The following VPS13A variants were observed in gnomAD, a reference collection of about 807,000 sequenced individuals.
The protein encoded by VPS13A is intermembrane lipid transfer protein VPS13A.
Under a neutral mutation model 390.9 loss-of-function variants are expected in VPS13A, and 264 were observed. That is an observed-to-expected ratio of 0.68 (90% CI 0.61 to 0.75). The LOEUF (loss-of-function observed/expected upper bound fraction) is 0.75, where lower values mean the gene tolerates loss of function less well. VPS13A is among the 30% of genes least tolerant of loss of function. VPS13A has a pLI of 0.00. For missense variants in VPS13A, 3,409 were observed against 3,733.9 expected (o/e 0.91, Z 2.27); for synonymous variants, 1,231 against 1,227.1 (o/e 1.00, Z -0.07).
intron 47 of VPS13A, chr9:77,338,345 C>T (rs2131501624): frequency 6.6e-6 from 1 of 152,146 alleles, no homozygotes; most frequent in Non-Finnish European, 1.5e-5. Flanking sequence ...TGTGTATTTC[C>T]ATATTGAATA....
Position 77,357,363 on chromosome 9 carries a change from A to AGATACTAGAT in VPS13A, c.7807-327_7807-318dup, listed in dbSNP as rs576579455. On this transcript the variant is annotated intron_variant, in intron 55 of 71. Coordinates refer to ENST00000360280, the MANE Select transcript of VPS13A (RefSeq NM_033305.3). The stretch of plus-strand genomic sequence containing the variant: ...AAAAAGAAAAGAAAACTTTCTTTTA[A>AGATACTAGAT]GATACTAGATGCTAATGATCTGTTC... Among the ~76,000 whole-genome samples, 556 of 148,760 alleles carry AGATACTAGAT rather than the reference A, an allele frequency of 3.7e-3. 7 individuals are homozygous for AGATACTAGAT. The highest frequency in any genetic ancestry group is 0.013 in the African/African-American group (528 of 40,444).
At chr9:77,192,493 C>A (rs1233216486) in intron 1 of VPS13A, among the ~76,000 whole-genome samples, 1 of 152,080 alleles carries the variant, frequency 6.6e-6, no homozygotes, top group African/African-American at 2.4e-5. Flanking sequence ...CTTTCATTTC[C>A]ATGGTTAGTA....
chr9:77,247,505 G>A (rs1824886230), intron 20 of VPS13A, 110 bp downstream of exon 20: 1 of 1,178,432 alleles, frequency 8.5e-7, no homozygotes. Context: ...TCCTAGATTT[G>A]TGGTAGATAA....
intron 24 of VPS13A, among the ~76,000 whole-genome samples, chr9:77,275,266 G>A (rs1587472639): frequency 2.0e-5 from 3 of 152,050 alleles, no homozygotes; most frequent in Non-Finnish European, 2.9e-5. Flanking sequence ...AATGTTCCAT[G>A]CTTCTTTATA....
At chr9:77,362,010 T>C (rs910831701) in intron 59 of VPS13A, among the ~76,000 whole-genome samples, 1 of 152,178 alleles carries the variant, frequency 6.6e-6, no homozygotes, top group Non-Finnish European at 1.5e-5. Context: ...TATTATTTAA[T>C]GAGTTATTTG....
chr9:77,260,060 T>C (rs929481988), intron 22 of VPS13A, 26 bp from the exon 23 acceptor site: 1 of 1,338,102 alleles, frequency 7.5e-7, no homozygotes. Flanking sequence ...CCTTTATAAT[T>C]ACTTATTTTT....
In VPS13A at chr9:77,377,754, T is replaced by C. The variant is rs191800413; in HGVS notation, c.9078-4222T>C. Among the ~76,000 whole-genome samples, 679 of 152,276 alleles carry C rather than the reference T, an allele frequency of 4.5e-3. 4 individuals are homozygous for C. The highest frequency in any genetic ancestry group is 6.8e-3 in the Middle Eastern group (2 of 294). Reference sequence around the variant, plus strand: ...GTCCTGGCTAGAACCTCTAGTACAATGTGAAGTAGAAGTGCTGAGAGAATA... The same window carrying C: ...GTCCTGGCTAGAACCTCTAGTACAACGTGAAGTAGAAGTGCTGAGAGAATA... On this transcript the variant is annotated intron_variant, in intron 67 of 71. Coordinates refer to ENST00000360280, the MANE Select transcript of VPS13A (RefSeq NM_033305.3).
intron 50 of VPS13A, among the ~76,000 whole-genome samples, chr9:77,341,973 C>A (rs1830851299): frequency 6.6e-6 from 1 of 151,850 alleles, no homozygotes; most frequent in African/African-American, 2.4e-5. Context: ...TAGTATGTTT[C>A]AAAGTGACAA....
intron 46 of VPS13A, among the ~76,000 whole-genome samples, chr9:77,333,328 G>A (rs1283455292): frequency 6.6e-6 from 1 of 151,318 alleles, no homozygotes; most frequent in East Asian, 1.9e-4. Context: ...ATGAGAATTA[G>A]TAGTGATTAA....
chr9:77,220,395 GA>G lies in VPS13A; in HGVS notation c.989+13del, dbSNP rs1206677960. 2.2e-5 allele frequency: 32 copies of G among 1,478,694 alleles called. No individual in the cohort carries two copies. The African/African-American group carries it at 4.3e-4, about 20-fold the overall frequency. 91.6% of individuals were successfully genotyped at this position (1,478,694 alleles called of 1,614,324 possible). A position where few individuals can be genotyped will look rare whatever the true frequency, so the allele number is the denominator to read the frequency against. On this transcript the variant is annotated intron_variant, in intron 12 of 71. Coordinates refer to ENST00000360280, the MANE Select transcript of VPS13A (RefSeq NM_033305.3). ...CATGCCAGAGAATGGTAAATGCCTTGATTTTTTTTTTTTTTTAGATTTTAAA... is the reference window on the plus strand; with the variant it reads ...CATGCCAGAGAATGGTAAATGCCTTGTTTTTTTTTTTTTTTAGATTTTAAA...
intron 52 of VPS13A, among the ~76,000 whole-genome samples, chr9:77,346,954 C>T (rs528613771): frequency 6.6e-6 from 1 of 152,280 alleles, no homozygotes; most frequent in East Asian, 1.9e-4. Flanking sequence ...CCTTTCCCTA[C>T]TTCATGTTTT....
In VPS13A at chr9:77,321,270, C is replaced by A; in HGVS notation, c.5517C>A (p.Asp1839Glu). 6.2e-7 allele frequency: 1 copy of A among 1,610,778 alleles called. No homozygotes were observed. The highest frequency in any genetic ancestry group is 8.5e-7 in the Non-Finnish European group (1 of 1,178,000). The part of the protein sequence containing the change: ...YKTVISFHSK[D>E]QLNITLSKCG... ...CTGTCATCAGTTTCCATTCAAAAGA[C>A]CAATTAAACATTACATTATCCAAAT... Residue 1839 changes from aspartate (D) to glutamate (E), a missense_variant, in exon 43 of 72, where the codon GAC (aspartate) becomes GAA (glutamate). Asp to Glu is a conservative substitution (Grantham distance 45). Coordinates refer to ENST00000360280, the MANE Select transcript of VPS13A (RefSeq NM_033305.3).
chr9:77,363,620 G>C (rs1832274950), intron 59 of VPS13A, among the ~76,000 whole-genome samples: 1 of 140,832 alleles, frequency 7.1e-6, no homozygotes. Flanking sequence ...CCATGTTTCT[G>C]TGTTTTTTTG....
rs201725180 is a variant in VPS13A, at chr9:77,406,124, A to ATCTT, written c.9399+138_9399+141dup. ...GGTGTGGTTTTCCCTTATACCTGCT[A>ATCTT]TCTTACCCAGGCTTAAAGGAAAAAA... On this transcript the variant is annotated intron_variant, in intron 70 of 71. Transcript: ENST00000360280. 10,574 of 1,129,256 alleles carry ATCTT rather than the reference A, an allele frequency of 9.4e-3. 92 individuals are homozygous for ATCTT. The highest frequency in any genetic ancestry group is 0.012 in the South Asian group (893 of 72,320). 70.0% of individuals were successfully genotyped at this position (1,129,256 alleles called of 1,614,324 possible). A position where few individuals can be genotyped will look rare whatever the true frequency, so the allele number is the denominator to read the frequency against.
chr9:77,283,721 T>A (rs1004803764), intron 31 of VPS13A, 71 bp downstream of exon 31: 8 of 1,244,158 alleles, frequency 6.4e-6, no homozygotes, highest in African/African-American at 1.5e-5. Flanking sequence ...GTCATAGGTA[T>A]CATTTGGACA....
intron 35 of VPS13A, among the ~76,000 whole-genome samples, chr9:77,311,891 G>T (rs1428124274): frequency 6.6e-6 from 1 of 152,144 alleles, no homozygotes; most frequent in Middle Eastern, 3.2e-3. Context: ...GAAAAAGCTT[G>T]AACAATTTCT....
chr9:77,270,030 T>G (rs1212947677), intron 23 of VPS13A, among the ~76,000 whole-genome samples: 1 of 152,214 alleles, frequency 6.6e-6, no homozygotes, highest in Non-Finnish European at 1.5e-5. Context: ...CCTCCAGAAC[T>G]GTGAGAACAT....
chr9:77,236,966 A>G (rs1378963155), intron 17 of VPS13A, among the ~76,000 whole-genome samples: 2 of 152,112 alleles, frequency 1.3e-5, no homozygotes, highest in African/African-American at 4.8e-5. Context: ...GCACAATCTC[A>G]GCTCACTCCA....
intron 33 of VPS13A, among the ~76,000 whole-genome samples, chr9:77,296,292 C>T (rs1023720849): frequency 6.6e-6 from 1 of 152,136 alleles, no homozygotes; most frequent in East Asian, 1.9e-4. Context: ...AACCTGTATT[C>T]GTTAAGCATA....
Sources: allele counts gnomAD v4.1 joint callset (sites outside exome capture counted in the v4.1 genomes callset), GRCh38; gene constraint gnomAD v4.1.1; transcripts MANE v1.5; gene names NCBI Gene and HGNC (gene_info 2026-07-23, HGNC 2026-07-21).